PCED1B: variants seen among roughly 807,000 people sequenced by gnomAD.
PCED1B encodes the protein PC-esterase domain-containing protein 1B.
For missense variants in PCED1B, 573 were observed against 573.9 expected, an observed-to-expected ratio of 1.00 and a Z score of 0.02; for synonymous variants, 251 against 246.1, an observed-to-expected ratio of 1.02 and a Z score of -0.19.
chr12:47,160,436 G>A (rs1241872471), intron 2 of PCED1B, among the ~76,000 whole-genome samples: 1 of 151,072 alleles, frequency 6.6e-6, no homozygotes, highest in Non-Finnish European at 1.5e-5. Context: ...TGAGTAGCTA[G>A]GATTATAGGA....
At chr12:47,173,900 T>G (rs1447860402) in intron 2 of PCED1B, among the ~76,000 whole-genome samples, 1 of 152,242 alleles carries the variant, frequency 6.6e-6, no homozygotes, top group African/African-American at 2.4e-5. Context: ...CTGCGGATGC[T>G]TTGAAGACTA....
intron 2 of PCED1B, among the ~76,000 whole-genome samples, chr12:47,146,996 C>CTGT: frequency 1.3e-5 from 1 of 79,420 alleles, no homozygotes; most frequent in Non-Finnish European, 2.8e-5. Flanking sequence ...TAGTTCATTG[C>CTGT]TCTTTTTTTT....
intron 2 of PCED1B, among the ~76,000 whole-genome samples, chr12:47,193,212 T>C (rs998660403): frequency 6.6e-6 from 1 of 152,206 alleles, no homozygotes; most frequent in Non-Finnish European, 1.5e-5. Flanking sequence ...TCAAATTTGT[T>C]GTATCCTCAG....
chr12:47,210,300 A>G (rs910708861), intron 2 of PCED1B: 29 of 152,240 alleles, frequency 1.9e-4, no homozygotes, highest in Non-Finnish European at 7.3e-5. Flanking sequence ...GTCTTCTGTC[A>G]TGATACCAAA....
At chr12:47,211,365 C>T (rs950725164) in intron 2 of PCED1B, among the ~76,000 whole-genome samples, 6 of 152,086 alleles carry the variant, frequency 3.9e-5, no homozygotes, top group Non-Finnish European at 7.4e-5. Flanking sequence ...ACAAAACAAC[C>T]TTATGGCCAG....
intron 3 of PCED1B, among the ~76,000 whole-genome samples, chr12:47,233,453 G>T (rs985060259): frequency 6.6e-6 from 1 of 152,228 alleles, no homozygotes; most frequent in Admixed American, 6.5e-5. Context: ...ATATTTGCAG[G>T]CAGGGAGTGC....
At chr12:47,145,272 T>C (rs1172028329) in intron 2 of PCED1B, among the ~76,000 whole-genome samples, 1 of 152,190 alleles carries the variant, frequency 6.6e-6, no homozygotes, top group Non-Finnish European at 1.5e-5. Context: ...AAGAAAAGGT[T>C]GAAGCCAGCA....
chr12:47,130,495 A>G (rs768716812), intron 2 of PCED1B, among the ~76,000 whole-genome samples: 1 of 152,126 alleles, frequency 6.6e-6, no homozygotes, highest in Non-Finnish European at 1.5e-5. Context: ...TGGGCAACAT[A>G]GTGAAATCCC....
At chr12:47,221,820 G>C (rs1943486500) in intron 3 of PCED1B, among the ~76,000 whole-genome samples, 1 of 152,150 alleles carries the variant, frequency 6.6e-6, no homozygotes. Context: ...AGTGGGAAGT[G>C]GCTGGGCATG....
chr12:47,221,094 G>A (rs1025157598), intron 3 of PCED1B, among the ~76,000 whole-genome samples: 4 of 152,132 alleles, frequency 2.6e-5, no homozygotes, highest in South Asian at 4.1e-4. Flanking sequence ...GAAGTTTTAT[G>A]TAAGAAAACA....
chr12:47,190,973 T>C (rs1942423361), intron 2 of PCED1B, among the ~76,000 whole-genome samples: 1 of 152,318 alleles, frequency 6.6e-6, no homozygotes. Context: ...CTAAGGATCA[T>C]TGTTCTTTAA....
At chr12:47,222,141 C>T (rs985458817) in intron 3 of PCED1B, among the ~76,000 whole-genome samples, 2 of 136,992 alleles carry the variant, frequency 1.5e-5, no homozygotes, top group East Asian at 2.2e-4. Flanking sequence ...AAAAAACGCC[C>T]GGGCGTGGTG....
At chr12:47,090,731 C>A (rs1592130396) in intron 1 of PCED1B, among the ~76,000 whole-genome samples, 1 of 152,180 alleles carries the variant, frequency 6.6e-6, no homozygotes. Context: ...TACTGCTCAT[C>A]TTTATGTTGG....
intron 2 of PCED1B, among the ~76,000 whole-genome samples, chr12:47,158,099 A>G (rs2137487681): frequency 6.6e-6 from 1 of 152,316 alleles, no homozygotes; most frequent in East Asian, 1.9e-4. Context: ...ACCTGTTATG[A>G]ATTATGCTGC....
intron 2 of PCED1B, among the ~76,000 whole-genome samples, chr12:47,173,087 T>C (rs1239105642): frequency 1.3e-5 from 2 of 152,198 alleles, no homozygotes; most frequent in Admixed American, 1.3e-4. Flanking sequence ...AGCAGCCATG[T>C]AGGAGACATA....
At position 47,236,564 on chromosome 12, in the gene PCED1B, A is replaced by T; in HGVS notation, c.*202A>T. 1 of 545,628 alleles carries T rather than the reference A, an allele frequency of 1.8e-6. No individual in the cohort carries two copies. Among genetic ancestry groups the T allele is most frequent in the Non-Finnish European group, 3.2e-6 (1 of 310,844 alleles). 33.8% of individuals were successfully genotyped at this position (545,628 alleles called of 1,614,324 possible). Reference sequence around the variant, plus strand: ...TCTTCTTGGCTGCAGCCTCTTCCCCACTTCCTGGGAGTGACCCAGCGTTAT... The same window carrying T: ...TCTTCTTGGCTGCAGCCTCTTCCCCTCTTCCTGGGAGTGACCCAGCGTTAT... On this transcript the variant is annotated 3_prime_UTR_variant, in exon 4 of 4. Coordinates refer to ENST00000546455, the MANE Select transcript of PCED1B (RefSeq NM_138371.3).
intron 2 of PCED1B, chr12:47,210,855 C>A (rs1223586886): frequency 6.6e-6 from 1 of 151,484 alleles, no homozygotes; most frequent in Non-Finnish European, 1.5e-5. Flanking sequence ...AAAGGAAGGT[C>A]AAAAAAAGTA....
At chr12:47,176,156 C>T (rs1431908000) in intron 2 of PCED1B, among the ~76,000 whole-genome samples, 1 of 152,064 alleles carries the variant, frequency 6.6e-6, no homozygotes, top group Non-Finnish European at 1.5e-5. Flanking sequence ...AAGAGAAGTA[C>T]GATATTGTGA....
chr12:47,080,869 C>T (rs1032801236), intron 1 of PCED1B, among the ~76,000 whole-genome samples: 5 of 152,074 alleles, frequency 3.3e-5, no homozygotes, highest in African/African-American at 1.2e-4. Context: ...TCTGTCCCCG[C>T]CACCTCCCCG....
Sources: allele counts gnomAD v4.1 joint callset (sites outside exome capture counted in the v4.1 genomes callset), GRCh38; gene constraint gnomAD v4.1.1; transcripts MANE v1.5; gene names NCBI Gene and HGNC (gene_info 2026-07-23, HGNC 2026-07-21).